PTPRN: variants seen among roughly 807,000 people sequenced by gnomAD.
The protein encoded by PTPRN is protein tyrosine phosphatase receptor type N, also known as receptor-type tyrosine-protein phosphatase-like N.
PTPRN carries 70 observed loss-of-function variants against 108.5 expected under a neutral mutation model. The observed-to-expected ratio is 0.65, with a 90% confidence interval of 0.53 to 0.79. The LOEUF (loss-of-function observed/expected upper bound fraction) is 0.79. PTPRN is among the 30% of genes least tolerant of loss of function. The pLI, the probability that PTPRN is intolerant of heterozygous loss-of-function variation, is 0.00. For synonymous variants in PTPRN, 496 were observed against 524.6 expected (o/e 0.95, Z 0.75); for missense variants, 1,136 against 1,295.5 (o/e 0.88, Z 1.89).
At chr2:219,308,775 C>T (rs1400356319) in intron 1 of PTPRN, 2 of 1,209,626 alleles carry the variant, frequency 1.7e-6, no homozygotes, top group Non-Finnish European at 2.1e-6. Context: ...CTCTCTCTGC[C>T]CAGCTGGGAC....
chr2:219,297,825 G>T lies in PTPRN; in HGVS notation c.1887+60C>A. On this transcript the variant is annotated intron_variant, in intron 13 of 22. Transcript: ENST00000295718. The surrounding 1 kb of genome is among the most constrained non-coding windows in gnomAD (Gnocchi z 6.0). ...CAGTTCCGACCCTTAGTCCACGCAA[G>T]ACCCAGACTCCCAGGCCCCTTGCAT... The T allele has an allele frequency of 6.6e-7, 1 of 1,521,616 alleles. No individual in the cohort carries two copies. The highest frequency in any genetic ancestry group is 1.2e-5 in the South Asian group (1 of 80,546). The allele number at this position is 1,521,616 out of a possible 1,614,324, so 94.3% of individuals were successfully genotyped here. A position where few individuals can be genotyped will look rare whatever the true frequency, so the allele number is the denominator to read the frequency against.
rs781262323 is a variant in PTPRN at position 219,300,197 on chromosome 2, C to T, written c.1224G>A (p.Met408Ile). Residue 408 changes from methionine (M) to isoleucine (I), a missense_variant, in exon 9 of 23, where the codon ATG becomes ATA. By Grantham distance (10) the Met-to-Ile change is conservative. Coordinates refer to ENST00000295718, the MANE Select transcript of PTPRN (RefSeq NM_002846.4). ...TAGGGCTGGCAGTGGGGTGTCCAGG[C>T]ATGGGGGATGTGCGGGCTGGAAGCT... is the stretch of plus-strand genomic sequence containing the variant. ...TAELPARTSP[M>I]PGHPTASPTS... is the part of the protein sequence containing the mutation. 1.9e-6 allele frequency: 3 copies of T among 1,609,050 alleles called. No homozygotes were observed. Among genetic ancestry groups the T allele is most frequent in the Non-Finnish European group, 2.5e-6 (3 of 1,176,990 alleles).
chr2:219,290,134 G>C lies in PTPRN; in HGVS notation c.*92C>G, dbSNP rs1952019999. The stretch of plus-strand genomic sequence containing the variant: ...AAGGGCTGAGCATGCCCAAGAGGTG[G>C]CTGGTGGGGCAGTGAGGAGTGGGTA... On this transcript the variant is annotated 3_prime_UTR_variant, in exon 23 of 23. Transcript: ENST00000295718. The surrounding 1 kb of genome is among the most constrained non-coding windows in gnomAD (Gnocchi z 4.2). 5.0e-6 allele frequency: 6 copies of C among 1,194,338 alleles called. No homozygotes were observed. The highest frequency in any genetic ancestry group is 1.3e-5 in the South Asian group (1 of 79,152). The allele number at this position is 1,194,338 out of a possible 1,614,324, so 74.0% of individuals were successfully genotyped here.
chr2:219,299,823 C>A, intron 9 of PTPRN, 37 bp from the exon 10 acceptor site: 1 of 1,573,862 alleles, frequency 6.4e-7, no homozygotes, highest in Non-Finnish European at 8.7e-7. Flanking sequence ...GAAAGTGGGG[C>A]AACCCTCTCA....
Position 219,289,999 on chromosome 2 carries a change from T to C in PTPRN, c.*227A>G. On this transcript the variant is annotated 3_prime_UTR_variant, in exon 23 of 23. Transcript: ENST00000295718. ...CTACCCATGTCCTTTCCTCTCCTCC[T>C]GGCTGCAGCACCCCCATGGGATGCC... 1 of 570,938 alleles carries C rather than the reference T, an allele frequency of 1.8e-6. No homozygotes were observed. The highest frequency in any genetic ancestry group is 1.9e-5 in the African/African-American group (1 of 53,218). The allele number at this position is 570,938 out of a possible 1,614,324, so 35.4% of individuals were successfully genotyped here. A position where few individuals can be genotyped will look rare whatever the true frequency, so the allele number is the denominator to read the frequency against.
chr2:219,301,696 C>T lies in PTPRN; in HGVS notation c.1018G>A (p.Ala340Thr), dbSNP rs781122952. ...TCTACCCCATAGCCCGCCAGCACAGCGGCCAGCCTCTGCAGAGCCGCATCT... is the reference window on the plus strand; with the variant it reads ...TCTACCCCATAGCCCGCCAGCACAGTGGCCAGCCTCTGCAGAGCCGCATCT... The part of the protein sequence containing the change: ...QPDAALQRLA[A>T]VLAGYGVELR... Residue 340 changes from alanine to threonine, a missense_variant, in exon 7 of 23, where the codon GCT becomes ACT. Coordinates refer to ENST00000295718, the MANE Select transcript of PTPRN (RefSeq NM_002846.4). 107 of 1,611,502 alleles carry T rather than the reference C, an allele frequency of 6.6e-5. No individual in the cohort carries two copies. Among genetic ancestry groups the T allele is most frequent in the South Asian group, 1.6e-4 (15 of 91,020 alleles).
At chr2:219,307,635 T>C (rs1952517017) in intron 2 of PTPRN, 78 bp from the exon 3 acceptor site, 1 of 1,464,122 alleles carries the variant, frequency 6.8e-7, no homozygotes, top group African/African-American at 1.4e-5. Flanking sequence ...TGGACTGTAC[T>C]CTCTTCACTT....
intron 20 of PTPRN, 35 bp downstream of exon 20, chr2:219,291,435 G>T: frequency 1.2e-6 from 2 of 1,606,376 alleles, no homozygotes; most frequent in South Asian, 2.2e-5. Context: ...CACACAGGGA[G>T]TGGGACCAGA....
chr2:219,300,563 G>A, intron 8 of PTPRN: 1 of 470,538 alleles, frequency 2.1e-6, no homozygotes, highest in East Asian at 3.5e-5. Context: ...GCAGGCGATG[G>A]TTTCTAGACT....
chr2:219,291,106 G>A (rs1952044263), intron 20 of PTPRN, among the ~76,000 whole-genome samples: 1 of 152,096 alleles, frequency 6.6e-6, no homozygotes, highest in African/African-American at 2.4e-5. Context: ...TGACCTGTGG[G>A]TGTCATTTGG....
rs150379825 is a variant in PTPRN, at chr2:219,302,435, G to A, written c.696C>T (p.Val232=). The A allele has an allele frequency of 3.3e-5, 53 of 1,614,162 alleles. No homozygotes were observed. The Admixed American group carries it at 4.8e-4, about 15-fold the overall frequency. ...GGGCTTCAGCCTTGGGCAGGGGGCC[G>A]ACACTGACCATCCCTGGGGAGCCCT... ...VSEGSPGMVS[V]GPLPKAEAPA... The change falls in exon 6 of 23, where the codon GTC becomes GTT. Residue 232 remains valine, a synonymous_variant. Transcript: ENST00000295718.
intron 4 of PTPRN, among the ~76,000 whole-genome samples, chr2:219,303,306 T>A (rs1052433399): frequency 6.6e-6 from 1 of 152,194 alleles, no homozygotes; most frequent in Non-Finnish European, 1.5e-5. Context: ...CTGAGCTCCC[T>A]AAACCTCATT....
At chr2:219,301,030 C>T in intron 7 of PTPRN, 53 bp from the exon 8 acceptor site, 1 of 1,578,364 alleles carries the variant, frequency 6.3e-7, no homozygotes, top group Non-Finnish European at 8.7e-7. Context: ...CCAAGGTCTA[C>T]ACAACACAAG....
chr2:219,300,159 A>T lies in PTPRN; in HGVS notation c.1262T>A (p.Val421Asp), dbSNP rs770642377. The T allele has an allele frequency of 6.2e-7, 1 of 1,613,532 alleles. No homozygotes were observed. Among genetic ancestry groups the T allele is most frequent in the South Asian group, 1.1e-5 (1 of 91,054 alleles). Residue 421 changes from valine to aspartate, a missense_variant, in exon 9 of 23, where the codon GTC (valine) becomes GAC (aspartate). Transcript: ENST00000295718. ...GGAGACAGGGCTTGGCACCTGCTGG[A>T]CTTCACTGGAGGTAGGGCTGGCAGT... ...HPTASPTSSE[V>D]QQVPSPVSSE... is the part of the protein sequence containing the mutation.
Position 219,290,186 on chromosome 2 carries a change from G to A in PTPRN, c.*40C>T. The A allele has an allele frequency of 6.4e-7, 1 of 1,560,934 alleles. No individual in the cohort carries two copies. The highest frequency in any genetic ancestry group is 8.8e-7 in the Non-Finnish European group (1 of 1,131,998). Reference sequence around the variant, plus strand: ...ACAGAGATGCTCACACAGGCAAAGAGGGACAGAGGCTGGGCTGCCCGCCAA... The same window carrying A: ...ACAGAGATGCTCACACAGGCAAAGAAGGACAGAGGCTGGGCTGCCCGCCAA... On this transcript the variant is annotated 3_prime_UTR_variant, in exon 23 of 23. Transcript: ENST00000295718. This position sits in a 1 kb window ranked among gnomAD's most constrained non-coding sequence, Gnocchi z 4.2.
At chr2:219,299,141 C>T (rs1483419961) in intron 11 of PTPRN, 30 bp from the exon 12 acceptor site, 41 of 1,613,860 alleles carry the variant, frequency 2.5e-5, no homozygotes, top group Non-Finnish European at 2.9e-5. Context: ...CAGGCTTGCT[C>T]CAGCCCCATG....
intron 10 of PTPRN, 157 bp from the exon 11 acceptor site, chr2:219,299,541 C>A (rs551829739): frequency 9.5e-5 from 108 of 1,133,326 alleles, no homozygotes; most frequent in Non-Finnish European, 6.7e-5. Flanking sequence ...CTGGGTGGGG[C>A]CAGCAACGGG....
At chr2:219,291,372 G>T in intron 20 of PTPRN, 98 bp downstream of exon 20, 3 of 1,326,638 alleles carry the variant, frequency 2.3e-6, no homozygotes, top group South Asian at 1.2e-5. Flanking sequence ...TTTGGACTAT[G>T]CCTGCAGTTT....
chr2:219,307,935 A>T, intron 1 of PTPRN, 93 bp from the exon 2 acceptor site: 1 of 1,260,018 alleles, frequency 7.9e-7, no homozygotes, highest in Non-Finnish European at 1.2e-6. Context: ...AGCAGATGCA[A>T]TTTATTCTTT....
Sources: gnomAD v4.1 joint callset for allele counts (sites outside exome capture counted in the v4.1 genomes callset) on GRCh38, gnomAD v4.1.1 for gene constraint, Gnocchi (gnomAD v3.1) non-coding constraint, MANE v1.5 for transcripts, NCBI Gene and HGNC (gene_info 2026-07-23, HGNC 2026-07-21) for gene names.